The following TBL1X variants were observed in gnomAD, a reference collection of about 807,000 sequenced individuals.
TBL1X encodes the protein transducin beta like 1 X-linked, also known as F-box-like/WD repeat-containing protein TBL1X.
In TBL1X, 10 loss-of-function variants were observed where a neutral mutation model predicts 50.7. The ratio of observed to expected loss-of-function variants is 0.20; its 90% CI spans 0.12 to 0.33. The LOEUF (loss-of-function observed/expected upper bound fraction) is 0.33. TBL1X is among the 10% of genes least tolerant of loss of function. The pLI is 1.00. For synonymous variants in TBL1X, 190 were observed against 214.7 expected (o/e 0.88, Z 1.01); for missense variants, 340 against 504.4 (o/e 0.67, Z 3.12).
At chrX:9,485,800 A>G (rs1314718479) in intron 1 of TBL1X, among the ~76,000 whole-genome samples, 16 of 112,248 alleles carry the variant, frequency 1.4e-4, no homozygotes, top group African/African-American at 3.2e-4. Flanking sequence ...TCTCAAATCA[A>G]TTCACGAAAG....
intron 2 of TBL1X, among the ~76,000 whole-genome samples, chrX:9,577,730 C>A (rs1299012846): frequency 1.8e-5 from 2 of 112,158 alleles, no homozygotes; most frequent in Non-Finnish European, 3.8e-5. Context: ...ACAGCACAGA[C>A]CCAGTTTTCT....
chrX:9,645,527 C>T (rs1208451918), intron 3 of TBL1X: 1 of 111,809 alleles, frequency 8.9e-6, no homozygotes, highest in South Asian at 3.7e-4. Context: ...CATCTTATGC[C>T]ACTAGTTTAT....
intron 2 of TBL1X, among the ~76,000 whole-genome samples, chrX:9,585,748 T>A (rs961305812): frequency 4.5e-5 from 5 of 111,489 alleles, no homozygotes; most frequent in African/African-American, 6.5e-5. Context: ...CTATGTGCAG[T>A]TCTGTATCCA....
chrX:9,514,278 C>T (rs2146961071), intron 2 of TBL1X, among the ~76,000 whole-genome samples: 1 of 110,976 alleles, frequency 9.0e-6, no homozygotes, highest in East Asian at 2.9e-4. Flanking sequence ...ATAACAACAA[C>T]AACATCAAAA....
chrX:9,665,538 T>A lies in TBL1X; in HGVS notation c.211+11216T>A, dbSNP rs1184960169. On this transcript the variant is annotated intron_variant, in intron 5 of 17. Coordinates refer to ENST00000645353, the MANE Select transcript of TBL1X (RefSeq NM_005647.4). ...ATATATATATATATATATATATATA[T>A]AAAAGGCCTTGGTGCTTTTTCGCTT... Among the ~76,000 whole-genome samples, 36 of 64,071 alleles carry A rather than the reference T, an allele frequency of 5.6e-4. No individual in the cohort carries two copies. The East Asian group carries it at 8.5e-3, about 15-fold the overall frequency. 55.6% of individuals were successfully genotyped at this position (64,071 alleles called of 115,157 possible).
chrX:9,711,995 C>T (rs934866765), intron 16 of TBL1X, among the ~76,000 whole-genome samples: 2 of 112,223 alleles, frequency 1.8e-5, no homozygotes, highest in Admixed American at 9.4e-5. Flanking sequence ...GGAAGGGCGT[C>T]GTGTCCACCG....
chrX:9,630,734 C>T (rs1333487622), intron 2 of TBL1X, among the ~76,000 whole-genome samples: 1 of 111,429 alleles, frequency 9.0e-6, no homozygotes, highest in East Asian at 2.8e-4. Context: ...AGCTACCACG[C>T]CCAGCTAATT....
chrX:9,708,477 G>A (rs1047457308), intron 13 of TBL1X, among the ~76,000 whole-genome samples: 2 of 111,865 alleles, frequency 1.8e-5, no homozygotes, highest in African/African-American at 6.5e-5. Context: ...CTTGAACTCC[G>A]TAATAGGTGA....
intron 2 of TBL1X, among the ~76,000 whole-genome samples, chrX:9,585,432 C>T: frequency 9.5e-6 from 1 of 104,774 alleles, no homozygotes; most frequent in Non-Finnish European, 1.9e-5. Flanking sequence ...GCTGCCTAGG[C>T]AGCTCAGAAG....
At chrX:9,630,285 G>A (rs1363118810) in intron 2 of TBL1X, among the ~76,000 whole-genome samples, 1 of 111,806 alleles carries the variant, frequency 8.9e-6, no homozygotes, top group Non-Finnish European at 1.9e-5. Context: ...CTTTGCCTCC[G>A]AAATATCTTC....
At chrX:9,648,374 T>C (rs759000296) in intron 3 of TBL1X, among the ~76,000 whole-genome samples, 1 of 112,519 alleles carries the variant, frequency 8.9e-6, no homozygotes, top group African/African-American at 3.2e-5. Flanking sequence ...GGCGGACTTT[T>C]TCCCACAGAA....
At chrX:9,471,361 T>TA (rs1175428562) in intron 1 of TBL1X, among the ~76,000 whole-genome samples, 2 of 112,314 alleles carry the variant, frequency 1.8e-5, no homozygotes, top group Non-Finnish European at 3.8e-5. Context: ...CGTGTAGAGT[T>TA]AAAGGGCTGG....
chrX:9,653,980 G>A (rs1296328345), intron 4 of TBL1X, among the ~76,000 whole-genome samples: 1 of 111,395 alleles, frequency 9.0e-6, no homozygotes, highest in East Asian at 2.8e-4. Context: ...TTCTTCCCCG[G>A]CCTTAGGAAA....
intron 2 of TBL1X, among the ~76,000 whole-genome samples, chrX:9,560,899 G>A (rs1389918390): frequency 8.9e-6 from 1 of 111,744 alleles, no homozygotes; most frequent in Non-Finnish European, 1.9e-5. Context: ...AGTGAAATAC[G>A]CAAGTCCCAG....
At chrX:9,645,599 C>A (rs1281164450) in intron 3 of TBL1X, among the ~76,000 whole-genome samples, 6 of 111,743 alleles carry the variant, frequency 5.4e-5, no homozygotes, top group Non-Finnish European at 9.4e-5. Context: ...AGAAATAATT[C>A]TTTGATTATA....
intron 2 of TBL1X, among the ~76,000 whole-genome samples, chrX:9,576,787 C>G (rs774596163): frequency 6.0e-4 from 65 of 108,189 alleles, no homozygotes; most frequent in South Asian, 1.7e-3. Context: ...TCGCTTGAGC[C>G]CAGGAGTTTG....
intron 1 of TBL1X, among the ~76,000 whole-genome samples, chrX:9,466,231 C>G (rs1284670775): frequency 8.9e-6 from 1 of 112,578 alleles, no homozygotes; most frequent in Non-Finnish European, 1.9e-5. Flanking sequence ...CCAGGGGGAC[C>G]TTCCCTAACG....
intron 2 of TBL1X, among the ~76,000 whole-genome samples, chrX:9,572,832 G>C (rs1354632699): frequency 8.9e-6 from 1 of 112,489 alleles, no homozygotes; most frequent in African/African-American, 3.2e-5. Context: ...TCATTTGCTA[G>C]GGTTGCCATA....
intron 2 of TBL1X, among the ~76,000 whole-genome samples, chrX:9,549,136 A>G (rs1437099965): frequency 8.9e-6 from 1 of 112,446 alleles, no homozygotes; most frequent in Non-Finnish European, 1.9e-5. Context: ...CAAAGTCTGG[A>G]TTGCCCCCCT....
Sources: allele counts gnomAD v4.1 joint callset (sites outside exome capture counted in the v4.1 genomes callset), GRCh38; gene constraint gnomAD v4.1.1; transcripts MANE v1.5; gene names NCBI Gene and HGNC (gene_info 2026-07-23, HGNC 2026-07-21).